TRAPPC9: variants seen among roughly 807,000 people sequenced by gnomAD.
TRAPPC9 encodes the protein trafficking protein particle complex subunit 9, also known as IKK2 binding protein.
Under a neutral mutation model 124.0 loss-of-function variants are expected in TRAPPC9, and 83 were observed. The observed-to-expected ratio is 0.67, with a 90% CI of 0.56 to 0.80. The LOEUF (loss-of-function observed/expected upper bound fraction) is 0.80, where lower values mean the gene tolerates loss of function less well. Among genes scored for constraint, TRAPPC9 ranks in the 30% least tolerant of loss-of-function variants. TRAPPC9 has a pLI of 0.00. For synonymous variants in TRAPPC9, 638 were observed against 617.5 expected, an observed-to-expected ratio of 1.03 and a Z score of -0.49; for missense variants, 1,302 against 1,508.3, an observed-to-expected ratio of 0.86 and a Z score of 2.27.
intron 21 of TRAPPC9, among the ~76,000 whole-genome samples, chr8:139,814,850 A>T (rs1407017338): frequency 1.3e-5 from 2 of 152,224 alleles, no homozygotes; most frequent in East Asian, 3.9e-4. Flanking sequence ...GCACCCAAGG[A>T]GTTCCTATAA....
At chr8:139,893,287 C>T (rs1830461034) in intron 20 of TRAPPC9, among the ~76,000 whole-genome samples, 2 of 152,214 alleles carry the variant, frequency 1.3e-5, no homozygotes, top group South Asian at 4.1e-4. Context: ...ACGCACCCTG[C>T]TCTCTCCTTT....
intron 5 of TRAPPC9, among the ~76,000 whole-genome samples, chr8:140,425,051 T>C (rs1181798591): frequency 6.6e-6 from 1 of 152,216 alleles, no homozygotes; most frequent in Admixed American, 6.5e-5. Context: ...GCATTGCTCC[T>C]AGGAGCTAGG....
chr8:140,456,026 G>A (rs1588392126), intron 1 of TRAPPC9, among the ~76,000 whole-genome samples: 1 of 152,306 alleles, frequency 6.6e-6, no homozygotes, highest in East Asian at 1.9e-4. Context: ...GGGGGAATGA[G>A]GAGTGACTGC....
At chr8:139,793,012 T>A (rs919955303) in intron 21 of TRAPPC9, among the ~76,000 whole-genome samples, 6 of 152,054 alleles carry the variant, frequency 3.9e-5, no homozygotes, top group African/African-American at 1.4e-4. Context: ...CTGGACAGAG[T>A]GATCCGCTGG....
At chr8:140,384,520 G>A (rs1489534263) in intron 7 of TRAPPC9, among the ~76,000 whole-genome samples, 2 of 152,142 alleles carry the variant, frequency 1.3e-5, no homozygotes, top group Non-Finnish European at 2.9e-5. Flanking sequence ...CCTAGTCTCT[G>A]ATAAAACAGA....
chr8:140,364,917 T>C (rs1361663594), intron 8 of TRAPPC9, among the ~76,000 whole-genome samples: 1 of 151,542 alleles, frequency 6.6e-6, no homozygotes, highest in African/African-American at 2.4e-5. Flanking sequence ...TTAGGGCTTG[T>C]CCAGTTATTT....
intron 21 of TRAPPC9, among the ~76,000 whole-genome samples, chr8:139,846,326 C>A (rs777269823): frequency 3.9e-5 from 6 of 152,164 alleles, no homozygotes; most frequent in Non-Finnish European, 7.3e-5. Flanking sequence ...GGCAGCACTG[C>A]GGGAGGGTGG....
At chr8:140,437,135 TTTTTATTTTA>T (rs1181626999) in intron 3 of TRAPPC9, among the ~76,000 whole-genome samples, 1 of 141,476 alleles carries the variant, frequency 7.1e-6, no homozygotes, top group East Asian at 2.1e-4. Flanking sequence ...AGCTAATGTC[TTTTTATTTTA>T]TTTTATTTTA....
At chr8:140,019,787 G>A (rs1839717321) in intron 18 of TRAPPC9, among the ~76,000 whole-genome samples, 1 of 151,924 alleles carries the variant, frequency 6.6e-6, no homozygotes, top group South Asian at 2.1e-4. Flanking sequence ...CCTGACCTCA[G>A]GTGATCCGCC....
At chr8:140,297,919 T>C (rs1184474244) in intron 11 of TRAPPC9, among the ~76,000 whole-genome samples, 2 of 152,228 alleles carry the variant, frequency 1.3e-5, no homozygotes, top group African/African-American at 4.8e-5. Flanking sequence ...ACACCTACTG[T>C]GCACGTGAGA....
At chr8:139,744,334 C>T (rs1339449510) in intron 21 of TRAPPC9, among the ~76,000 whole-genome samples, 2 of 151,800 alleles carry the variant, frequency 1.3e-5, no homozygotes, top group Non-Finnish European at 2.9e-5. Flanking sequence ...ACAGTCCCCA[C>T]CCCTCCCCAC....
At position 140,249,630 on chromosome 8, in the gene TRAPPC9, G is replaced by A. The variant is rs111281978; in HGVS notation, c.2431+3147C>T. Among the ~76,000 whole-genome samples, 1,263 of 114,828 alleles carry A rather than the reference G, an allele frequency of 0.011. 8 individuals are homozygous for A. In the Middle Eastern group the frequency reaches 0.13, roughly 12 times the overall value. The allele number at this position is 114,828 out of a possible 152,430, so 75.3% of individuals were successfully genotyped here. A position where few individuals can be genotyped will look rare whatever the true frequency, so the allele number is the denominator to read the frequency against. ...TTTTTTTTTTTTTTTTTGAGATGGA[G>A]TCTCGCTCTGTCACCCAGGCTGGAG... On this transcript the variant is annotated intron_variant, in intron 16 of 22. Coordinates refer to ENST00000438773, the MANE Select transcript of TRAPPC9 (RefSeq NM_001160372.4).
intron 19 of TRAPPC9, among the ~76,000 whole-genome samples, chr8:139,926,130 C>A (rs1320105522): frequency 1.3e-5 from 2 of 152,254 alleles, no homozygotes; most frequent in Non-Finnish European, 2.9e-5. Context: ...TGATCCAAGG[C>A]TGGTTGTTAA....
intron 21 of TRAPPC9, among the ~76,000 whole-genome samples, chr8:139,736,458 T>A (rs1002771629): frequency 6.6e-6 from 1 of 152,108 alleles, no homozygotes; most frequent in African/African-American, 2.4e-5. Flanking sequence ...CCCCTACAGC[T>A]CCGGCAGCTC....
At chr8:139,807,927 G>A (rs1824180593) in intron 21 of TRAPPC9, among the ~76,000 whole-genome samples, 1 of 152,286 alleles carries the variant, frequency 6.6e-6, no homozygotes, top group Non-Finnish European at 1.5e-5. Flanking sequence ...CTCATAACAT[G>A]AGAACTTCTC....
chr8:140,440,952 G>A (rs1216165081), intron 2 of TRAPPC9, among the ~76,000 whole-genome samples: 2 of 144,526 alleles, frequency 1.4e-5, no homozygotes, highest in Non-Finnish European at 3.0e-5. Flanking sequence ...TGTCCTTGAT[G>A]TGTTTCTAGA....
chr8:140,294,484 GATA>G (rs1451198636), intron 11 of TRAPPC9, among the ~76,000 whole-genome samples: 6 of 151,992 alleles, frequency 3.9e-5, no homozygotes, highest in Non-Finnish European at 5.9e-5. Flanking sequence ...TGATGATGAT[GATA>G]ATAAGCCATT....
intron 19 of TRAPPC9, among the ~76,000 whole-genome samples, chr8:139,964,449 A>G (rs1835567114): frequency 1.3e-5 from 2 of 152,020 alleles, no homozygotes; most frequent in African/African-American, 4.8e-5. Context: ...CTTGGAGAAG[A>G]TTCAGTGGCT....
chr8:139,732,825 C>A (rs562737166), intron 21 of TRAPPC9, among the ~76,000 whole-genome samples: 17 of 152,150 alleles, frequency 1.1e-4, no homozygotes, highest in Non-Finnish European at 2.2e-4. Context: ...GGAAGTGGCA[C>A]GGTTCTGGGA....
Sources: gnomAD v4.1 joint callset for allele counts (sites outside exome capture counted in the v4.1 genomes callset) on GRCh38, gnomAD v4.1.1 for gene constraint, MANE v1.5 for transcripts, NCBI Gene and HGNC (gene_info 2026-07-23, HGNC 2026-07-21) for gene names.